The following PM20D1 variants were observed in gnomAD, a reference collection of about 807,000 sequenced individuals.
PM20D1 encodes the protein peptidase M20 domain containing 1.
Under a neutral mutation model 53.8 loss-of-function variants are expected in PM20D1, and 53 were observed. That is an observed-to-expected ratio of 0.98 (90% CI 0.79 to 1.24). The LOEUF is 1.24. Among genes scored for constraint, PM20D1 ranks in the 50% most tolerant of loss-of-function variants. PM20D1 has a pLI of 0.00. For missense variants in PM20D1, 564 were observed against 616.8 expected (o/e 0.91, Z 0.91); for synonymous variants, 239 against 241.3 (o/e 0.99, Z 0.09).
chr1:205,834,640 T>C (rs1656641858), intron 10 of PM20D1, among the ~76,000 whole-genome samples: 2 of 152,262 alleles, frequency 1.3e-5, no homozygotes, highest in Admixed American at 6.5e-5. Context: ...CTAGCACTTA[T>C]AATACAAATA....
intron 10 of PM20D1, among the ~76,000 whole-genome samples, chr1:205,836,725 A>G (rs1420896162): frequency 1.3e-5 from 2 of 151,334 alleles, no homozygotes; most frequent in Non-Finnish European, 2.9e-5. Context: ...CTGGTCTTGA[A>G]CTCCTGGCCT....
rs111610157 is a variant in PM20D1, at chr1:205,849,890, G to A, written c.169+14C>T. ...ACATATGAGCATAGGTGGGTGAAGGGGACCCGGGTTCACCTTTCAGCGCCT... is the reference window on the plus strand; with the variant it reads ...ACATATGAGCATAGGTGGGTGAAGGAGACCCGGGTTCACCTTTCAGCGCCT... On this transcript the variant is annotated intron_variant, in intron 1 of 12. Coordinates refer to ENST00000367136, the MANE Select transcript of PM20D1 (RefSeq NM_152491.5). The A allele has an allele frequency of 1.1e-3, 1,774 of 1,605,864 alleles. 7 individuals carry two copies. Among genetic ancestry groups the A allele is most frequent in the Middle Eastern group, 5.3e-3 (32 of 6,038 alleles).
At chr1:205,846,222 CT>C (rs751137522) in intron 2 of PM20D1, among the ~76,000 whole-genome samples, 3 of 152,010 alleles carry the variant, frequency 2.0e-5, no homozygotes, top group Non-Finnish European at 4.4e-5. Flanking sequence ...CCCGTCTCTA[CT>C]AAAAATACAA....
At chr1:205,839,581 C>T (rs1347978715) in intron 10 of PM20D1, among the ~76,000 whole-genome samples, 1 of 152,000 alleles carries the variant, frequency 6.6e-6, no homozygotes, top group East Asian at 1.9e-4. Flanking sequence ...TGTGGTGGCT[C>T]ATGTCTGTAA....
chr1:205,844,305 A>G, intron 4 of PM20D1, 88 bp from the exon 5 acceptor site: 1 of 1,414,844 alleles, frequency 7.1e-7, no homozygotes, highest in Admixed American at 2.4e-5. Flanking sequence ...CAGCCTAGCT[A>G]GGGGCTCCAG....
chr1:205,846,433 C>A (rs1229639647), intron 2 of PM20D1, among the ~76,000 whole-genome samples: 3 of 152,096 alleles, frequency 2.0e-5, no homozygotes, highest in Admixed American at 2.0e-4. Context: ...CAAGCTCAGG[C>A]TTGGTCAGAC....
intron 9 of PM20D1, 45 bp from the exon 10 acceptor site, chr1:205,840,368 CT>C: frequency 6.5e-7 from 1 of 1,547,334 alleles, no homozygotes; most frequent in Non-Finnish European, 8.9e-7. Flanking sequence ...AACCTCAAAT[CT>C]TCTACATCTG....
rs745634086 is a variant in PM20D1 at position 205,845,436 on chromosome 1, A to G, written c.378T>C (p.Phe126=). Residue 126 remains phenylalanine, a synonymous_variant, in exon 3 of 13, where the codon TTT becomes TTC. Coordinates refer to ENST00000367136, the MANE Select transcript of PM20D1 (RefSeq NM_152491.5). ...CTTCTTCAGGGGCAGGCACCACATCAAAGTGAGCCATCAGCAGGTAGGGCT... is the reference window on the plus strand; with the variant it reads ...CTTCTTCAGGGGCAGGCACCACATCGAAGTGAGCCATCAGCAGGTAGGGCT... ...SLQPYLLMAH[F]DVVPAPEEGW... 1.9e-6 allele frequency: 3 copies of G among 1,614,224 alleles called. No individual in the cohort carries two copies. The highest frequency in any genetic ancestry group is 2.5e-6 in the Non-Finnish European group (3 of 1,180,034).
intron 1 of PM20D1, among the ~76,000 whole-genome samples, chr1:205,849,021 T>G (rs1055750933): frequency 6.6e-6 from 1 of 152,240 alleles, no homozygotes; most frequent in Non-Finnish European, 1.5e-5. Context: ...TTATTTATGC[T>G]TTGGGAAAGC....
chr1:205,844,264 G>A, intron 4 of PM20D1, 47 bp from the exon 5 acceptor site: 1 of 1,533,556 alleles, frequency 6.5e-7, no homozygotes, highest in Non-Finnish European at 8.8e-7. Context: ...GCCAGAGACA[G>A]ACCTCCAGAC....
intron 5 of PM20D1, 41 bp downstream of exon 5, chr1:205,844,046 G>A (rs1656882520): frequency 6.3e-7 from 1 of 1,577,462 alleles, no homozygotes; most frequent in South Asian, 1.2e-5. Flanking sequence ...CAAATGGGGT[G>A]AGAATTCCCT....
At chr1:205,845,124 T>A (rs1656919800) in intron 3 of PM20D1, among the ~76,000 whole-genome samples, 1 of 151,858 alleles carries the variant, frequency 6.6e-6, no homozygotes, top group Non-Finnish European at 1.5e-5. Context: ...ACTGAAAGGG[T>A]CCCTGGGGAC....
rs746580042 is a variant in PM20D1, at chr1:205,828,623, C to T, written c.1506G>A (p.Leu502=). Residue 502 remains leucine (L), a synonymous_variant, in exon 13 of 13, where the codon CTG becomes CTA. Transcript: ENST00000367136. ...TAACCCAGCAGGCCCCTTGACCTCA[C>T]AGTTTGTGCAGGTGAGAAACTGGCT... ...DQEPVSHLHK[L] 50 of 1,614,052 alleles carry T rather than the reference C, an allele frequency of 3.1e-5. No homozygotes were observed. Among genetic ancestry groups the T allele is most frequent in the Non-Finnish European group, 4.1e-5 (48 of 1,180,026 alleles).
chr1:205,842,187 C>T lies in PM20D1; in HGVS notation c.932G>A (p.Ser311Asn). The change falls in exon 8 of 13, where the codon AGC (serine) becomes AAC (asparagine). Residue 311 changes from serine to asparagine, a missense_variant. Transcript: ENST00000367136. ...EFPFPVNIIL[S>N]NPWLFEPLIS... ...AAGTGGTTCAAATAGCCATGGGTTG[C>T]TCAGGATTATATTGACAGGGAAGGG... 2 of 1,613,310 alleles carry T rather than the reference C, an allele frequency of 1.2e-6. No homozygotes were observed. Among genetic ancestry groups the T allele is most frequent in the Non-Finnish European group, 1.7e-6 (2 of 1,179,338 alleles).
chr1:205,828,421 G>A lies in PM20D1; in HGVS notation c.*199C>T, dbSNP rs538737263. The A allele has an allele frequency of 6.4e-6, 4 of 629,604 alleles. No individual in the cohort carries two copies. The South Asian group carries it at 6.6e-5, about 10-fold the overall frequency. 39.0% of individuals were successfully genotyped at this position (629,604 alleles called of 1,614,324 possible). ...CAGTGGATCAAGGGATGCAGATGTC[G>A]GGAGGAAGGGAGAAGCCAGATTTCT... On this transcript the variant is annotated 3_prime_UTR_variant, in exon 13 of 13. Transcript: ENST00000367136.
At chr1:205,828,892 C>T (rs1656499354) in intron 12 of PM20D1, 149 bp from the exon 13 acceptor site, 1 of 1,023,396 alleles carries the variant, frequency 9.8e-7, no homozygotes, top group Admixed American at 2.8e-5. Flanking sequence ...AGGGAGGGGC[C>T]ATCTGAGATT....
In PM20D1 at chr1:205,844,135, C is replaced by T. The variant is rs758951939; in HGVS notation, c.659G>A (p.Gly220Asp). 1.2e-6 allele frequency: 2 copies of T among 1,613,772 alleles called. No homozygotes were observed. The highest frequency in any genetic ancestry group is 1.1e-5 in the South Asian group (1 of 91,020). ...AGGAATGAAATCATCCAAGATGAAGCCCCCCTCGTCCACAATGAAGGCTAG... is the reference window on the plus strand; with the variant it reads ...AGGAATGAAATCATCCAAGATGAAGTCCCCCTCGTCCACAATGAAGGCTAG... Reference protein sequence around the residue: ...VQLAFIVDEGGFILDDFIPNF... With the variant: ...VQLAFIVDEGDFILDDFIPNF... Residue 220 changes from glycine (G) to aspartate (D), a missense_variant, in exon 5 of 13, where the codon GGC (glycine) becomes GAC (aspartate). By Grantham distance (94) the Gly-to-Asp change is moderately conservative. Transcript: ENST00000367136.
intron 5 of PM20D1, 31 bp from the exon 6 acceptor site, chr1:205,843,817 G>A: frequency 6.2e-7 from 1 of 1,607,174 alleles, no homozygotes. Flanking sequence ...CCACTCTCCT[G>A]ACTTCTTGCC....
chr1:205,840,109 C>G (rs1371161130), intron 10 of PM20D1, 143 bp downstream of exon 10: 3 of 576,952 alleles, frequency 5.2e-6, no homozygotes, highest in Non-Finnish European at 8.6e-6. Context: ...AATGAAGTAT[C>G]CGGTGCATAG....
Sources: gnomAD v4.1 joint callset for allele counts (sites outside exome capture counted in the v4.1 genomes callset) on GRCh38, gnomAD v4.1.1 for gene constraint, MANE v1.5 for transcripts, NCBI Gene and HGNC (gene_info 2026-07-23, HGNC 2026-07-21) for gene names.